The following FZD8 variants were observed in gnomAD, a reference collection of about 807,000 sequenced individuals.
The protein encoded by FZD8 is frizzled-8.
In FZD8, 18 loss-of-function variants were observed where a neutral mutation model predicts 46.0. The ratio of observed to expected loss-of-function variants is 0.39; its 90% CI spans 0.27 to 0.58. FZD8 has a LOEUF of 0.58. Among genes scored for constraint, FZD8 ranks in the 20% least tolerant of loss-of-function variants. FZD8 has a pLI of 0.55. For synonymous variants in FZD8, 586 were observed against 467.9 expected (o/e 1.25, Z -3.26); for missense variants, 785 against 983.4 (o/e 0.80, Z 2.70).
In FZD8 at chr10:35,640,315, CCGCCCGGGCCGCCCG is replaced by C; in HGVS notation, c.1100_1114del (p.Ala367_Gly371del). On this transcript the variant is annotated inframe_deletion, in exon 1 of 1. Coordinates refer to ENST00000374694, the MANE Select transcript of FZD8 (RefSeq NM_031866.3). ...GCCCAGCTCCTCGTACTCGCCGCGC[CCGCCCGGGCCGCCCG>C]CGCCCGCGCCCGCCGCGCCCGCGCC... 1.6e-6 allele frequency: 2 copies of C among 1,223,262 alleles called. No individual in the cohort carries two copies. Among genetic ancestry groups the C allele is most frequent in the Admixed American group, 3.3e-5 (1 of 30,358 alleles). 75.8% of individuals were successfully genotyped at this position (1,223,262 alleles called of 1,614,324 possible). A position where few individuals can be genotyped will look rare whatever the true frequency, so the allele number is the denominator to read the frequency against.
chr10:35,640,824 CCCGCCGCCA>C lies in FZD8; in HGVS notation c.597_605del (p.Gly200_Gly202del), dbSNP rs1345801339. 1.5e-5 allele frequency: 15 copies of C among 981,044 alleles called. No homozygotes were observed. Among genetic ancestry groups the C allele is most frequent in the Non-Finnish European group, 1.8e-5 (15 of 828,558 alleles). 60.8% of individuals were successfully genotyped at this position (981,044 alleles called of 1,614,324 possible). A position where few individuals can be genotyped will look rare whatever the true frequency, so the allele number is the denominator to read the frequency against. On this transcript the variant is annotated inframe_deletion, in exon 1 of 1. Transcript: ENST00000374694. ...CGCGAGCTGGGGGCGCCGCCGCGTC[CCCGCCGCCA>C]CCGCCCCTGCCGCCGCCGCGGTGCG...
rs1413947711 is a variant in FZD8, at chr10:35,638,990, G to GT, written c.*354dup. On this transcript the variant is annotated 3_prime_UTR_variant, in exon 1 of 1. Transcript: ENST00000374694. The stretch of plus-strand genomic sequence containing the variant: ...AGAGGTTCTCCCAGGTGAAATCTGT[G>GT]TATCTGACTGCAAACCCAGCCAAGT... 6.5e-6 allele frequency: 1 copy of GT among 153,032 alleles called. No individual in the cohort carries two copies. The highest frequency in any genetic ancestry group is 1.5e-5 in the Non-Finnish European group (1 of 68,340). 9.5% of individuals were successfully genotyped at this position (153,032 alleles called of 1,614,324 possible).
Position 35,639,962 on chromosome 10 carries a change from C to T in FZD8, c.1468G>A (p.Val490Ile). ...ATGGTGCCGATGAAGAGGTAGATGACCAGCGGCGCCAGCACGAAGCCGCGC... is the reference window on the plus strand; with the variant it reads ...ATGGTGCCGATGAAGAGGTAGATGATCAGCGGCGCCAGCACGAAGCCGCGC... ...NLRGFVLAPL[V>I]IYLFIGTMFL... Residue 490 changes from valine (V) to isoleucine (I), a missense_variant, in exon 1 of 1, where the codon GTC (valine) becomes ATC (isoleucine). Val to Ile is a conservative substitution (Grantham distance 29). Around this residue, in one of 5 missense-constraint regions of FZD8, gnomAD observed 147 missense variants for 242.5 expected, o/e 0.61. Transcript: ENST00000374694. The T allele has an allele frequency of 6.2e-7, 1 of 1,612,946 alleles. No homozygotes were observed. The highest frequency in any genetic ancestry group is 8.5e-7 in the Non-Finnish European group (1 of 1,179,866).
Position 35,640,058 on chromosome 10 carries a change from C to A in FZD8, c.1372G>T (p.Ala458Ser). The A allele has an allele frequency of 1.9e-6, 3 of 1,610,798 alleles. No individual in the cohort carries two copies. Among genetic ancestry groups the A allele is most frequent in the Non-Finnish European group, 2.5e-6 (3 of 1,179,620 alleles). Residue 458 changes from alanine (A) to serine (S), a missense_variant, in exon 1 of 1, where the codon GCG becomes TCG. Coordinates refer to ENST00000374694, the MANE Select transcript of FZD8 (RefSeq NM_031866.3). Reference sequence around the variant, plus strand: ...GGGTCGCCGTCCACCGAGCTGAGCGCCAGCACCGCGATGGACTTGACGCTG... The same window carrying A: ...GGGTCGCCGTCCACCGAGCTGAGCGACAGCACCGCGATGGACTTGACGCTG... ...VPSVKSIAVL[A>S]LSSVDGDPVA...
rs770990610 is a variant in FZD8, at chr10:35,639,722, G to A, written c.1708C>T (p.Leu570=). ...RWEATHNCPC[L]RDLQPDQARR... is the part of the protein sequence containing the mutation. ...GCCTGGTCGGGCTGCAGGTCCCGCA[G>A]GCACGGGCAGTTGTGCGTGGCCTCC... The change falls in exon 1 of 1, where the codon CTG becomes TTG. Residue 570 remains leucine (L), a synonymous_variant. Coordinates refer to ENST00000374694, the MANE Select transcript of FZD8 (RefSeq NM_031866.3). The A allele has an allele frequency of 1.3e-5, 21 of 1,599,900 alleles. No individual in the cohort carries two copies. The South Asian group carries it at 2.1e-4, about 16-fold the overall frequency.
In FZD8 at chr10:35,638,720, G is replaced by C. The variant is rs1835800595; in HGVS notation, c.*625C>G. The C allele has an allele frequency of 6.9e-6, 1 of 144,774 alleles. No individual in the cohort carries two copies. The highest frequency in any genetic ancestry group is 2.6e-5 in the African/African-American group (1 of 39,146). The allele number at this position is 144,774 out of a possible 1,614,324, so 9.0% of individuals were successfully genotyped here. On this transcript the variant is annotated 3_prime_UTR_variant, in exon 1 of 1. Transcript: ENST00000374694. ...AAAAAATGTACACACTATATCTTTGGATATATACATATTTTACACTTTTTT... is the reference window on the plus strand; with the variant it reads ...AAAAAATGTACACACTATATCTTTGCATATATACATATTTTACACTTTTTT...
In FZD8 at chr10:35,639,577, G is replaced by T; in HGVS notation, c.1853C>A (p.Thr618Asn). 1 of 1,589,276 alleles carries T rather than the reference G, an allele frequency of 6.3e-7. No individual in the cohort carries two copies. The highest frequency in any genetic ancestry group is 8.5e-7 in the Non-Finnish European group (1 of 1,175,162). Residue 618 changes from threonine to asparagine, a missense_variant, in exon 1 of 1, where the codon ACC (threonine) becomes AAC (asparagine). Thr to Asn is a moderately conservative substitution (Grantham distance 65, BLOSUM62 0). Coordinates refer to ENST00000374694, the MANE Select transcript of FZD8 (RefSeq NM_031866.3). ...GCCCTTGCTGGCCCAGCAGCAGCGG[G>T]TGCACAGGGAGCGCCAGGACTCCAG... ...KTLESWRSLC[T>N]RCCWASKGAA... is the part of the protein sequence containing the mutation.
Position 35,639,416 on chromosome 10 carries a change from C to G in FZD8, c.2014G>C (p.Gly672Arg). ...GCCGTGCCCGACCGCCACGTCAGGC[C>G]AGTGCTGACGTCGCTGTAGAGGGAG... ...GGSLYSDVST[G>R]LTWRSGTASS... is the part of the protein sequence containing the mutation. Residue 672 changes from glycine (G) to arginine (R), a missense_variant, in exon 1 of 1, where the codon GGC becomes CGC. Physicochemically the swap from Gly to Arg is moderately radical, Grantham distance 125. Around this residue, in one of 5 missense-constraint regions of FZD8, gnomAD observed 185 missense variants for 180.8 expected, o/e 1.02. Coordinates refer to ENST00000374694, the MANE Select transcript of FZD8 (RefSeq NM_031866.3). 1 of 1,420,786 alleles carries G rather than the reference C, an allele frequency of 7.0e-7. No individual in the cohort carries two copies. Among genetic ancestry groups the G allele is most frequent in the Admixed American group, 2.2e-5 (1 of 45,466 alleles). The allele number at this position is 1,420,786 out of a possible 1,614,324, so 88.0% of individuals were successfully genotyped here.
chr10:35,640,579 C>A lies in FZD8; in HGVS notation c.851G>T (p.Trp284Leu). The change falls in exon 1 of 1, where the codon TGG (tryptophan) becomes TTG (leucine). Residue 284 changes from tryptophan to leucine, a missense_variant. By Grantham distance (61) the Trp-to-Leu change is moderately conservative. Coordinates refer to ENST00000374694, the MANE Select transcript of FZD8 (RefSeq NM_031866.3). The part of the protein sequence containing the change: ...RAFTVFWIGL[W>L]SVLCFVSTFA... Reference sequence around the variant, plus strand: ...GGTGGACACGAAGCAGAGCACCGACCACAGGCCGATCCAGAAGACGGTGAA... The same window carrying A: ...GGTGGACACGAAGCAGAGCACCGACAACAGGCCGATCCAGAAGACGGTGAA... 1 of 1,588,872 alleles carries A rather than the reference C, an allele frequency of 6.3e-7. No individual in the cohort carries two copies. Among genetic ancestry groups the A allele is most frequent in the East Asian group, 2.3e-5 (1 of 43,614 alleles).
rs1316005672 is a variant in FZD8 at position 35,638,873 on chromosome 10, C to T, written c.*472G>A. On this transcript the variant is annotated 3_prime_UTR_variant, in exon 1 of 1. Coordinates refer to ENST00000374694, the MANE Select transcript of FZD8 (RefSeq NM_031866.3). ...GGCATTTGCCTGGTCATTAAGAATA[C>T]CCAAACCGTGCAATCCCATCAGGTG... 1 of 152,610 alleles carries T rather than the reference C, an allele frequency of 6.6e-6. No homozygotes were observed. Among genetic ancestry groups the T allele is most frequent in the Non-Finnish European group, 1.5e-5 (1 of 68,044 alleles). 9.5% of individuals were successfully genotyped at this position (152,610 alleles called of 1,614,324 possible).
Position 35,641,728 on chromosome 10 carries a change from T to C in FZD8, c.-299A>G. The C allele has an allele frequency of 3.7e-6, 1 of 272,568 alleles. No homozygotes were observed. Among genetic ancestry groups the C allele is most frequent in the Non-Finnish European group, 6.8e-6 (1 of 146,916 alleles). The allele number at this position is 272,568 out of a possible 1,614,324, so 16.9% of individuals were successfully genotyped here. ...CCGCTCTGCTGGCCCCGGGTCGCGC[T>C]CAGCCCTCGCGGCGCAGAGCGGCCG... is the stretch of plus-strand genomic sequence containing the variant. On this transcript the variant is annotated 5_prime_UTR_variant, in exon 1 of 1. The change abolishes the stop of an existing upstream ORF in the 5' untranslated region. Transcript: ENST00000374694. This position sits in a 1 kb window ranked among gnomAD's most constrained non-coding sequence, Gnocchi z 6.3.
chr10:35,639,970 G>A lies in FZD8; in HGVS notation c.1460C>T (p.Ala487Val). ...GATGAAGAGGTAGATGACCAGCGGC[G>A]CCAGCACGAAGCCGCGCAGGTTGTC... The part of the protein sequence containing the change: ...SLDNLRGFVL[A>V]PLVIYLFIGT... Residue 487 changes from alanine to valine, a missense_variant, in exon 1 of 1, where the codon GCG becomes GTG. By Grantham distance (64) the Ala-to-Val change is moderately conservative (BLOSUM62 0). This residue lies in a region of FZD8 where 147 missense variants were observed against 242.5 expected (regional missense o/e 0.61). Transcript: ENST00000374694. 6.2e-7 allele frequency: 1 copy of A among 1,612,860 alleles called. No homozygotes were observed. Among genetic ancestry groups the A allele is most frequent in the Non-Finnish European group, 8.5e-7 (1 of 1,179,860 alleles).
Position 35,640,923 on chromosome 10 carries a change from CGGCGGCAGGCGGCGCGGCGGGCTG to C in FZD8, c.483_506del (p.Ser162_Pro169del), listed in dbSNP as rs767288169. On this transcript the variant is annotated inframe_deletion, in exon 1 of 1. Transcript: ENST00000374694. ...AAGGCGGCTGCTCGCCGGGCGGCGG[CGGCGGCAGGCGGCGCGGCGGGCTG>C]GGCGCGGCGGTGGTTAGGTCGGTGC... 1 of 1,262,514 alleles carries C rather than the reference CGGCGGCAGGCGGCGCGGCGGGCTG, an allele frequency of 7.9e-7. No homozygotes were observed. Among genetic ancestry groups the C allele is most frequent in the Admixed American group, 4.2e-5 (1 of 23,970 alleles). 78.2% of individuals were successfully genotyped at this position (1,262,514 alleles called of 1,614,324 possible).
At position 35,640,532 on chromosome 10, in the gene FZD8, G is replaced by A; in HGVS notation, c.898C>T (p.Leu300Phe). Residue 300 changes from leucine to phenylalanine, a missense_variant, in exon 1 of 1, where the codon CTT (leucine) becomes TTT (phenylalanine). By Grantham distance (22) the Leu-to-Phe change is conservative. Around this residue, in one of 5 missense-constraint regions of FZD8, gnomAD observed 354 missense variants for 433.2 expected, o/e 0.82. Transcript: ENST00000374694. ...TACTTGAAGCGCTCCATGTCGATAA[G>A]GAAGGTGGAGACGGTGGCGAAGGTG... ...VSTFATVSTFLIDMERFKYPE... is the reference protein window; with the variant it reads ...VSTFATVSTFFIDMERFKYPE... 1.3e-6 allele frequency: 2 copies of A among 1,589,566 alleles called. No individual in the cohort carries two copies. The highest frequency in any genetic ancestry group is 1.7e-6 in the Non-Finnish European group (2 of 1,166,018).
Position 35,639,266 on chromosome 10 carries a change from G to T in FZD8, c.*79C>A. ...ACACTGTGAAGGGGTGGGAACCTCA[G>T]CCCATCAAGTGTCCCTTCGCTGCAC... On this transcript the variant is annotated 3_prime_UTR_variant, in exon 1 of 1. Coordinates refer to ENST00000374694, the MANE Select transcript of FZD8 (RefSeq NM_031866.3). The T allele has an allele frequency of 1.7e-6, 1 of 587,788 alleles. No individual in the cohort carries two copies. The highest frequency in any genetic ancestry group is 2.5e-6 in the Non-Finnish European group (1 of 392,660). The allele number at this position is 587,788 out of a possible 1,614,324, so 36.4% of individuals were successfully genotyped here. A position where few individuals can be genotyped will look rare whatever the true frequency, so the allele number is the denominator to read the frequency against.
Position 35,641,536 on chromosome 10 carries a change from G to C in FZD8, c.-107C>G. The C allele has an allele frequency of 7.0e-7, 1 of 1,431,822 alleles. No individual in the cohort carries two copies. The highest frequency in any genetic ancestry group is 9.2e-7 in the Non-Finnish European group (1 of 1,089,078). 88.7% of individuals were successfully genotyped at this position (1,431,822 alleles called of 1,614,324 possible). Reference sequence around the variant, plus strand: ...AGACGGGTACAGCGGGTGATCTGGGGTCTCCCTTATGCTTCGCCCGGGAGG... The same window carrying C: ...AGACGGGTACAGCGGGTGATCTGGGCTCTCCCTTATGCTTCGCCCGGGAGG... On this transcript the variant is annotated 5_prime_UTR_variant, in exon 1 of 1. Coordinates refer to ENST00000374694, the MANE Select transcript of FZD8 (RefSeq NM_031866.3). The surrounding 1 kb of genome is among the most constrained non-coding windows in gnomAD (Gnocchi z 6.3).
chr10:35,640,725 G>A lies in FZD8; in HGVS notation c.705C>T (p.Arg235=). Residue 235 remains arginine, a synonymous_variant, in exon 1 of 1, where the codon CGC becomes CGT. Transcript: ENST00000374694. The part of the protein sequence containing the change: ...AAPCEPGCQC[R]APMVSVSSER... ...CGCTGGACACGCTCACCATAGGCGC[G>A]CGGCACTGGCACCCGGGCTCGCAGG... is the stretch of plus-strand genomic sequence containing the variant. The A allele has an allele frequency of 7.0e-7, 1 of 1,420,516 alleles. No homozygotes were observed. 88.0% of individuals were successfully genotyped at this position (1,420,516 alleles called of 1,614,324 possible).
rs1038491757 is a variant in FZD8, at chr10:35,641,487, G to GC, written c.-59_-58insG. ...CAGGCGGCGCGCAGAGGGGTGCCGG[G>GC]GGGGGGGCCCACGAGAGAGCCGCAG... is the stretch of plus-strand genomic sequence containing the variant. On this transcript the variant is annotated 5_prime_UTR_variant, in exon 1 of 1. Transcript: ENST00000374694. The surrounding 1 kb of genome is among the most constrained non-coding windows in gnomAD (Gnocchi z 6.3). 2.2e-6 allele frequency: 3 copies of GC among 1,334,852 alleles called. No individual in the cohort carries two copies. The highest frequency in any genetic ancestry group is 1.6e-5 in the African/African-American group (1 of 62,550). The allele number at this position is 1,334,852 out of a possible 1,614,324, so 82.7% of individuals were successfully genotyped here.
Position 35,640,238 on chromosome 10 carries a change from C to G in FZD8, c.1192G>C (p.Val398Leu). The G allele has an allele frequency of 6.2e-7, 1 of 1,610,378 alleles. No individual in the cohort carries two copies. Among genetic ancestry groups the G allele is most frequent in the Non-Finnish European group, 8.5e-7 (1 of 1,179,634 alleles). ...YETTGPALCT[V>L]VFLLVYFFGM... The stretch of plus-strand genomic sequence containing the variant: ...AAGAAGTAGACCAGCAAGAAGACCA[C>G]GGTGCACAGCGCGGGGCCGGTGGTC... Residue 398 changes from valine to leucine, a missense_variant, in exon 1 of 1, where the codon GTG becomes CTG. Transcript: ENST00000374694.
Sources: allele counts gnomAD v4.1 joint callset, GRCh38; gene constraint gnomAD v4.1.1; regional missense constraint gnomAD v4.1.1; non-coding constraint Gnocchi (gnomAD v3.1); transcripts MANE v1.5; gene names NCBI Gene and HGNC (gene_info 2026-07-23, HGNC 2026-07-21).